Variants in TFEC observed in about 807,000 individuals in gnomAD.
TFEC encodes the protein class E basic helix-loop-helix protein 34.
In TFEC, 31 loss-of-function variants were observed where a neutral mutation model predicts 41.6. That is an observed-to-expected ratio of 0.74 (90% CI 0.56 to 1.01). The LOEUF is 1.01. Among genes scored for constraint, TFEC ranks in the 50% least tolerant of loss-of-function variants. The probability of loss-of-function intolerance (pLI) is 0.00; values close to 1 mark genes in which losing one functional copy is unlikely to be tolerated. For missense variants in TFEC, 402 were observed against 404.1 expected, an observed-to-expected ratio of 0.99 and a Z score of 0.04; for synonymous variants, 143 against 140.6, an observed-to-expected ratio of 1.02 and a Z score of -0.12.
Position 116,017,999 on chromosome 7 carries a change from TAATA to T in TFEC, c.-73+12630_-73+12633del, listed in dbSNP as rs1462141586. Among the ~76,000 whole-genome samples the T allele has an allele frequency of 1.1e-4, 14 of 131,434 alleles. No individual in the cohort carries two copies. In the East Asian group the frequency reaches 2.9e-3, roughly 27 times the overall value. 86.2% of individuals were successfully genotyped at this position (131,434 alleles called of 152,430 possible). ...CAGTGTTGGGCAAATATTAGGTTCTTAATAAATATTAATTAAATGAACAAATCAG... is the reference window on the plus strand; with the variant it reads ...CAGTGTTGGGCAAATATTAGGTTCTTAATATTAATTAAATGAACAAATCAG... On this transcript the variant is annotated intron_variant, in intron 1 of 7. Transcript: ENST00000265440.
At chr7:116,069,071 T>G (rs1334813391) in intron 3 of TFEC, among the ~76,000 whole-genome samples, 1 of 151,702 alleles carries the variant, frequency 6.6e-6, no homozygotes, top group Non-Finnish European at 1.5e-5. Flanking sequence ...TCAGCTAATA[T>G]GTTGAACTGT....
intron 1 of TFEC, among the ~76,000 whole-genome samples, chr7:116,140,236 A>G (rs1431406558): frequency 1.3e-5 from 2 of 152,234 alleles, no homozygotes; most frequent in Non-Finnish European, 2.9e-5. Context: ...AAAGCATGAC[A>G]TGATGGAAAA....
chr7:116,100,896 G>A (rs1584516475), intron 3 of TFEC, among the ~76,000 whole-genome samples: 1 of 152,140 alleles, frequency 6.6e-6, no homozygotes, highest in South Asian at 2.1e-4. Context: ...AGAGCACACT[G>A]AGCCTGAAAT....
intron 1 of TFEC, among the ~76,000 whole-genome samples, chr7:116,003,281 G>A (rs1464778): frequency 0.14 from 20,800 of 151,968 alleles, 1,922 homozygotes; most frequent in Non-Finnish European, 0.21. Context: ...TTAAAAGTAA[G>A]TGGATGGGAA....
At chr7:115,997,288 C>T (rs761718220) in intron 1 of TFEC, among the ~76,000 whole-genome samples, 1 of 152,078 alleles carries the variant, frequency 6.6e-6, no homozygotes, top group Non-Finnish European at 1.5e-5. Flanking sequence ...AACAAGAGTC[C>T]GTGCCAGACA....
At chr7:115,962,690 C>G (rs547178975) in intron 3 of TFEC, among the ~76,000 whole-genome samples, 23 of 151,640 alleles carry the variant, frequency 1.5e-4, no homozygotes, top group Non-Finnish European at 2.2e-4. Context: ...AAAATTAACT[C>G]AAAATGGATC....
intron 1 of TFEC, among the ~76,000 whole-genome samples, chr7:115,988,203 C>T (rs1381085679): frequency 6.6e-6 from 1 of 151,908 alleles, no homozygotes; most frequent in Non-Finnish European, 1.5e-5. Flanking sequence ...GGCTAAAAAA[C>T]ATGGTTTGAA....
intron 3 of TFEC, among the ~76,000 whole-genome samples, chr7:116,040,042 G>A (rs1273814169): frequency 6.6e-6 from 1 of 152,088 alleles, no homozygotes; most frequent in African/African-American, 2.4e-5. Flanking sequence ...AAGAGAGAGA[G>A]ACAAAGTATA....
At chr7:115,970,735 T>C (rs1793096114) in intron 3 of TFEC, among the ~76,000 whole-genome samples, 1 of 151,888 alleles carries the variant, frequency 6.6e-6, no homozygotes, top group Non-Finnish European at 1.5e-5. Context: ...GCTAGTTATT[T>C]AAAAGAGCAT....
rs913650363 is a variant in TFEC, at chr7:116,060,567, C to T, written c.198+50141G>A. On this transcript the variant is annotated intron_variant, in intron 3 of 8. Transcript: ENST00000484212. ...CAACATCATGTCTTTTGTGGAAACA[C>T]GGATACAGCTGGGGGCTATTAGCCT... Among the ~76,000 whole-genome samples, 4 of 152,140 alleles carry T rather than the reference C, an allele frequency of 2.6e-5. No homozygotes were observed. In the East Asian group the frequency reaches 5.8e-4, roughly 22 times the overall value.
At chr7:116,153,028 C>T (rs935991366) in intron 1 of TFEC, among the ~76,000 whole-genome samples, 5 of 152,040 alleles carry the variant, frequency 3.3e-5, no homozygotes, top group African/African-American at 7.2e-5. Flanking sequence ...CATGTTGAGG[C>T]GAGCCACGAA....
intron 1 of TFEC, among the ~76,000 whole-genome samples, chr7:116,132,452 GA>G (rs1389835080): frequency 6.6e-6 from 1 of 152,084 alleles, no homozygotes; most frequent in African/African-American, 2.4e-5. Context: ...TATAACTCTC[GA>G]AAAACTGAAT....
At chr7:116,146,057 T>C (rs1221984004) in intron 1 of TFEC, among the ~76,000 whole-genome samples, 1 of 152,138 alleles carries the variant, frequency 6.6e-6, no homozygotes, top group East Asian at 1.9e-4. Flanking sequence ...AGTAATTAAG[T>C]GAAAAACCTA....
intron 1 of TFEC, among the ~76,000 whole-genome samples, chr7:116,123,553 C>T (rs939233707): frequency 1.3e-5 from 2 of 152,018 alleles, no homozygotes; most frequent in Non-Finnish European, 2.9e-5. Context: ...TACGTGGATC[C>T]TGTTGTCACT....
At chr7:116,133,519 G>A (rs1798375648) in intron 1 of TFEC, among the ~76,000 whole-genome samples, 1 of 146,414 alleles carries the variant, frequency 6.8e-6, no homozygotes, top group Admixed American at 6.8e-5. Context: ...CTGGGTGACA[G>A]AACAAGACTC....
At chr7:116,106,966 T>C (rs965922807) in intron 3 of TFEC, among the ~76,000 whole-genome samples, 5 of 152,202 alleles carry the variant, frequency 3.3e-5, no homozygotes, top group African/African-American at 9.6e-5. Context: ...TACCTTAGAT[T>C]TTTTAAATGT....
At chr7:115,954,165 C>A (rs1252305846) in intron 5 of TFEC, among the ~76,000 whole-genome samples, 2 of 152,078 alleles carry the variant, frequency 1.3e-5, no homozygotes, top group Middle Eastern at 3.2e-3. Context: ...CAATGCCTTT[C>A]AGATAACATA....
intron 1 of TFEC, among the ~76,000 whole-genome samples, chr7:116,119,059 T>C (rs1429302542): frequency 4.6e-5 from 7 of 151,950 alleles, no homozygotes; most frequent in Non-Finnish European, 7.4e-5. Flanking sequence ...CTGAGCAGCA[T>C]TGATCTTTAG....
intron 1 of TFEC, among the ~76,000 whole-genome samples, chr7:116,158,378 A>G (rs1798911667): frequency 6.6e-6 from 1 of 152,116 alleles, no homozygotes. Flanking sequence ...AAATACCTAA[A>G]CTGAGTAAGC....
Sources: gnomAD v4.1 joint callset for allele counts (sites outside exome capture counted in the v4.1 genomes callset) on GRCh38, gnomAD v4.1.1 for gene constraint, MANE v1.5 for transcripts, NCBI Gene and HGNC (gene_info 2026-07-23, HGNC 2026-07-21) for gene names.